SEZ6L: variants seen among roughly 807,000 people sequenced by gnomAD.
SEZ6L encodes seizure related 6 homolog like.
In SEZ6L, 37 loss-of-function variants were observed where a neutral mutation model predicts 106.2. That is an observed-to-expected ratio of 0.35 (90% confidence interval 0.27 to 0.46). SEZ6L has a LOEUF of 0.46. SEZ6L is among the 20% of genes least tolerant of loss of function. The pLI, the probability that SEZ6L is intolerant of heterozygous loss-of-function variation, is 1.00. For synonymous variants in SEZ6L, 541 were observed against 570.4 expected (o/e 0.95, Z 0.73); for missense variants, 1,172 against 1,332.8 (o/e 0.88, Z 1.88).
At position 26,311,769 on chromosome 22, in the gene SEZ6L, G is replaced by C; in HGVS notation, c.1683G>C (p.Ala561=). 6.2e-7 allele frequency: 1 copy of C among 1,613,388 alleles called. No homozygotes were observed. Among genetic ancestry groups the C allele is most frequent in the African/African-American group, 1.3e-5 (1 of 75,016 alleles). Residue 561 remains alanine (A), a splice_region_variant and synonymous_variant, in exon 8 of 17, where the codon GCG becomes GCC. Transcript: ENST00000248933. ...AASTFNIRFE[A]FEKGHCYEPY... is the part of the protein sequence containing the mutation. ...GCTGCCTCTCTTTCCCTTCCTCAGC[G>C]TTTGAGAAAGGCCACTGCTATGAGC...
At chr22:26,209,301 G>T (rs1941476142) in intron 1 of SEZ6L, among the ~76,000 whole-genome samples, 1 of 152,132 alleles carries the variant, frequency 6.6e-6, no homozygotes, top group African/African-American at 2.4e-5. Context: ...ATATGTCAAG[G>T]TATTCAGGGT....
intron 1 of SEZ6L, among the ~76,000 whole-genome samples, chr22:26,235,762 T>A (rs1475749750): frequency 6.6e-6 from 1 of 152,128 alleles, no homozygotes; most frequent in Admixed American, 6.5e-5. Flanking sequence ...GGAGCATGGA[T>A]CTCCAAGGAG....
intron 12 of SEZ6L, among the ~76,000 whole-genome samples, chr22:26,352,310 G>C (rs975105720): frequency 6.6e-6 from 1 of 152,152 alleles, no homozygotes; most frequent in Non-Finnish European, 1.5e-5. Context: ...ACTCTCAGCT[G>C]CACTAATATT....
At position 26,322,358 on chromosome 22, in the gene SEZ6L, T is replaced by A. The variant is rs555429071; in HGVS notation, c.2015+8456T>A. Reference sequence around the variant, plus strand: ...CTTGAACAGCTTTCGGGGCACCAGCTGTGTGTCTCGGCAATGTAGCAGCGA... The same window carrying A: ...CTTGAACAGCTTTCGGGGCACCAGCAGTGTGTCTCGGCAATGTAGCAGCGA... On this transcript the variant is annotated intron_variant, in intron 9 of 16. Coordinates refer to ENST00000248933, the MANE Select transcript of SEZ6L (RefSeq NM_021115.5). 2.6e-5 allele frequency among the ~76,000 whole-genome samples: 4 copies of A among 152,272 alleles called. No homozygotes were observed. In the East Asian group the frequency reaches 7.7e-4, roughly 29 times the overall value.
At chr22:26,293,365 C>A (rs1207580473) in intron 2 of SEZ6L, among the ~76,000 whole-genome samples, 3 of 152,224 alleles carry the variant, frequency 2.0e-5, no homozygotes, top group Non-Finnish European at 4.4e-5. Flanking sequence ...GGGTCTTGAT[C>A]TTTCGCCCAG....
intron 1 of SEZ6L, among the ~76,000 whole-genome samples, chr22:26,239,569 T>A (rs1360193607): frequency 1.3e-5 from 2 of 152,112 alleles, no homozygotes; most frequent in Non-Finnish European, 2.9e-5. Context: ...CAAAGTTCTT[T>A]CCCTCAGCCT....
At chr22:26,344,771 A>G (rs1394579992) in intron 10 of SEZ6L, among the ~76,000 whole-genome samples, 1 of 152,246 alleles carries the variant, frequency 6.6e-6, no homozygotes, top group East Asian at 1.9e-4. Flanking sequence ...CAACATCGTC[A>G]TATCCTGCAT....
intron 11 of SEZ6L, among the ~76,000 whole-genome samples, chr22:26,348,695 A>C (rs188058008): frequency 1.8e-4 from 10 of 55,788 alleles, no homozygotes; most frequent in African/African-American, 5.3e-4. Flanking sequence ...AGAAAGAAAG[A>C]AAGAAAGAAG....
intron 10 of SEZ6L, among the ~76,000 whole-genome samples, chr22:26,341,538 G>A (rs542988180): frequency 2.0e-5 from 3 of 152,040 alleles, no homozygotes; most frequent in Admixed American, 6.6e-5. Context: ...ACCAATATCC[G>A]TTGACCGGTT....
intron 7 of SEZ6L, among the ~76,000 whole-genome samples, chr22:26,311,414 C>T (rs1263260971): frequency 6.6e-6 from 1 of 152,216 alleles, no homozygotes; most frequent in East Asian, 1.9e-4. Flanking sequence ...GAAAAGCTGG[C>T]TTTTATCATA....
chr22:26,323,849 T>C (rs1316944619), intron 9 of SEZ6L, among the ~76,000 whole-genome samples: 1 of 152,134 alleles, frequency 6.6e-6, no homozygotes, highest in Non-Finnish European at 1.5e-5. Flanking sequence ...TGCCAGTCTT[T>C]ACATGCTTTT....
chr22:26,279,732 G>A (rs1302726878), intron 1 of SEZ6L, among the ~76,000 whole-genome samples: 2 of 152,118 alleles, frequency 1.3e-5, no homozygotes, highest in South Asian at 2.1e-4. Flanking sequence ...TTCTGGAAAC[G>A]TCATCAGCTC....
chr22:26,220,854 G>A (rs1384700273), intron 1 of SEZ6L, among the ~76,000 whole-genome samples: 8 of 152,090 alleles, frequency 5.3e-5, no homozygotes, highest in Admixed American at 5.2e-4. Flanking sequence ...GAGAAAGGAA[G>A]GGGGAATGTG....
At chr22:26,261,007 G>A (rs2145817642) in intron 1 of SEZ6L, among the ~76,000 whole-genome samples, 1 of 152,174 alleles carries the variant, frequency 6.6e-6, no homozygotes, top group Middle Eastern at 3.4e-3. Context: ...TTTTTCATAT[G>A]TTTGTTGGCC....
At chr22:26,263,841 T>A (rs1221128310) in intron 1 of SEZ6L, among the ~76,000 whole-genome samples, 2 of 152,206 alleles carry the variant, frequency 1.3e-5, no homozygotes, top group Non-Finnish European at 2.9e-5. Flanking sequence ...CCAAGACTTC[T>A]TGACTCTAAA....
intron 1 of SEZ6L, among the ~76,000 whole-genome samples, chr22:26,247,574 A>T (rs1053535692): frequency 1.3e-5 from 2 of 152,116 alleles, no homozygotes; most frequent in Non-Finnish European, 2.9e-5. Flanking sequence ...AACACCAAGG[A>T]TTGCCAGGGG....
chr22:26,202,896 A>G (rs146775834), intron 1 of SEZ6L, among the ~76,000 whole-genome samples: 1 of 152,316 alleles, frequency 6.6e-6, no homozygotes, highest in East Asian at 1.9e-4. Flanking sequence ...GGGCTGCAAT[A>G]ATTTTTCCTA....
intron 1 of SEZ6L, among the ~76,000 whole-genome samples, chr22:26,237,837 C>G (rs1198491358): frequency 6.6e-6 from 1 of 152,096 alleles, no homozygotes; most frequent in African/African-American, 2.4e-5. Flanking sequence ...CAGCAGAGCA[C>G]AAGTGTGCTA....
chr22:26,256,368 C>T (rs2079822233), intron 1 of SEZ6L, among the ~76,000 whole-genome samples: 1 of 152,212 alleles, frequency 6.6e-6, no homozygotes, highest in African/African-American at 2.4e-5. Flanking sequence ...AGCAGGATTC[C>T]TCCATTCCAG....
Sources: gnomAD v4.1 joint callset for allele counts (sites outside exome capture counted in the v4.1 genomes callset) on GRCh38, gnomAD v4.1.1 for gene constraint, MANE v1.5 for transcripts, NCBI Gene and HGNC (gene_info 2026-07-23, HGNC 2026-07-21) for gene names.